PLPP5: variants seen among roughly 807,000 people sequenced by gnomAD.
PLPP5 encodes diacylglycerol pyrophosphate like 1.
PLPP5 carries 29 observed loss-of-function variants against 23.6 expected under a neutral mutation model. The observed-to-expected ratio is 1.23, with a 90% confidence interval of 0.92 to 1.68. The LOEUF (loss-of-function observed/expected upper bound fraction) is 1.68. Among genes scored for constraint, PLPP5 ranks in the 40% most tolerant of loss-of-function variants. The pLI is 0.00. For synonymous variants in PLPP5, 143 were observed against 131.3 expected (o/e 1.09, Z -0.61); for missense variants, 315 against 332.1 (o/e 0.95, Z 0.40).
chr8:38,267,368 C>A lies in PLPP5; in HGVS notation c.362G>T (p.Arg121Leu), dbSNP rs772090931. 34 of 1,613,392 alleles carry A rather than the reference C, an allele frequency of 2.1e-5. No homozygotes were observed. Among genetic ancestry groups the A allele is most frequent in the Non-Finnish European group, 2.8e-5 (33 of 1,179,704 alleles). ...ATGGGCTAGCCCATCAGGGAAGCAG[C>A]GGTAGAAGAAATCTGGGCGTGGCCT... ...VGRPRPDFFYRCFPDGLAHSD... is the reference protein window; with the variant it reads ...VGRPRPDFFYLCFPDGLAHSD... Residue 121 changes from arginine (R) to leucine (L), a missense_variant, in exon 5 of 7, where the codon CGC becomes CTC. Arg to Leu is a moderately radical substitution (Grantham distance 102). Coordinates refer to ENST00000424479, the MANE Select transcript of PLPP5 (RefSeq NM_001102559.2).
intron 2 of PLPP5, 128 bp downstream of exon 2, chr8:38,268,754 G>T (rs958882945): frequency 4.9e-6 from 7 of 1,435,670 alleles, no homozygotes; most frequent in Non-Finnish European, 6.4e-6. Flanking sequence ...CTAGGAGGCG[G>T]AACCCAGCGC....
In PLPP5 at chr8:38,266,330, T is replaced by C. The variant is rs368341198; in HGVS notation, c.464-19A>G. The C allele has an allele frequency of 2.1e-4, 329 of 1,601,894 alleles. 1 individual carries two copies. The highest frequency in any genetic ancestry group is 2.7e-4 in the Non-Finnish European group (316 of 1,174,084). The stretch of plus-strand genomic sequence containing the variant: ...AATGCAACTGGAACAAGAAAAACTT[T>C]TAAGTGGTTTGTCTTTTAAAGGAAG... On this transcript the variant is annotated intron_variant, in intron 5 of 6. Transcript: ENST00000424479.
intron 1 of PLPP5, 31 bp downstream of exon 1, chr8:38,269,095 C>T (rs1343810198): frequency 2.0e-6 from 3 of 1,526,506 alleles, no homozygotes; most frequent in Non-Finnish European, 2.6e-6. Context: ...GGAAGCGGGG[C>T]CGCCCGGGCC....
At chr8:38,264,712 A>G in intron 6 of PLPP5, 108 bp from the exon 7 acceptor site, 2 of 1,435,994 alleles carry the variant, frequency 1.4e-6, no homozygotes, top group Non-Finnish European at 1.8e-6. Context: ...CTGTGGGGCT[A>G]AAATAACCTC....
At chr8:38,268,720 A>G (rs1314078353) in intron 2 of PLPP5, 162 bp downstream of exon 2, 1 of 1,433,124 alleles carries the variant, frequency 7.0e-7, no homozygotes, top group East Asian at 2.5e-5. Context: ...TCCTCTCTCA[A>G]TCAGGATCTT....
Position 38,264,122 on chromosome 8 carries a change from T to C in PLPP5, c.*322A>G. 1 of 1,008,470 alleles carries C rather than the reference T, an allele frequency of 9.9e-7. No individual in the cohort carries two copies. The highest frequency in any genetic ancestry group is 1.7e-5 in the African/African-American group (1 of 58,008). The allele number at this position is 1,008,470 out of a possible 1,614,324, so 62.5% of individuals were successfully genotyped here. Reference sequence around the variant, plus strand: ...TGCATGGTCCGGTTAGGAGGGCTAGTTCACCTGTTCTCTATTGAGATAGAT... The same window carrying C: ...TGCATGGTCCGGTTAGGAGGGCTAGCTCACCTGTTCTCTATTGAGATAGAT... On this transcript the variant is annotated 3_prime_UTR_variant, in exon 7 of 7. Coordinates refer to ENST00000424479, the MANE Select transcript of PLPP5 (RefSeq NM_001102559.2).
At chr8:38,264,778 T>G (rs529459257) in intron 6 of PLPP5, 174 bp from the exon 7 acceptor site, 2 of 1,480,744 alleles carry the variant, frequency 1.4e-6, no homozygotes, top group South Asian at 2.8e-5. Context: ...TTTATCATAG[T>G]TACAGTATTA....
chr8:38,268,014 C>T, intron 3 of PLPP5, 54 bp from the exon 4 acceptor site: 4 of 1,613,126 alleles, frequency 2.5e-6, no homozygotes, highest in Non-Finnish European at 3.4e-6. Context: ...AAGGTATGGT[C>T]ATGGCCTCGT....
At chr8:38,266,739 G>A (rs1204782063) in intron 5 of PLPP5, among the ~76,000 whole-genome samples, 1 of 152,144 alleles carries the variant, frequency 6.6e-6, no homozygotes, top group African/African-American at 2.4e-5. Flanking sequence ...TACTTATAGT[G>A]TAAGTCATTG....
At chr8:38,265,041 G>C (rs1807371394) in intron 6 of PLPP5, 1 of 852,378 alleles carries the variant, frequency 1.2e-6, no homozygotes, top group Admixed American at 1.8e-5. Context: ...GGACCAGGCA[G>C]ATGGATCCCG....
rs746102701 is a variant in PLPP5 at position 38,266,293 on chromosome 8, GC to G, written c.481del (p.Ala161ProfsTer37). The G allele has an allele frequency of 3.9e-5, 63 of 1,612,870 alleles. No individual in the cohort carries two copies. The African/African-American group carries it at 7.3e-4, about 19-fold the overall frequency. ...GHSSFAFAGL[A>X]FASFYLAGKL... The stretch of plus-strand genomic sequence containing the variant: ...CCCTGCCAGGTAGAAGGACGCAAAG[GC>G]CAGACCAGCAAATGCAACTGGAACA... On this transcript the variant is annotated frameshift_variant, in exon 6 of 7. Transcript: ENST00000424479. LOFTEE classifies it high-confidence loss of function.
intron 6 of PLPP5, chr8:38,264,831 TTAAG>T (rs1236301441): frequency 2.1e-5 from 34 of 1,581,760 alleles, no homozygotes; most frequent in Admixed American, 1.3e-4. Flanking sequence ...AAAACACATC[TTAAG>T]TAAGTATAAT....
At position 38,263,156 on chromosome 8, in the gene PLPP5, A is replaced by T. The variant is rs1264671216; in HGVS notation, c.*1288T>A. ...TTTATTTGAATATCAGGTTTACTGA[A>T]GGAAAAAGATACATTGAAAATATAG... On this transcript the variant is annotated 3_prime_UTR_variant, in exon 7 of 7. Transcript: ENST00000424479. 6.5e-6 allele frequency: 1 copy of T among 153,644 alleles called. No homozygotes were observed. Among genetic ancestry groups the T allele is most frequent in the Admixed American group, 6.5e-5 (1 of 15,286 alleles). 9.5% of individuals were successfully genotyped at this position (153,644 alleles called of 1,614,324 possible).
In PLPP5 at chr8:38,263,279, A is replaced by G; in HGVS notation, c.*1165T>C. The G allele has an allele frequency of 1.7e-6, 1 of 579,448 alleles. No homozygotes were observed. The highest frequency in any genetic ancestry group is 2.2e-6 in the Non-Finnish European group (1 of 459,354). The allele number at this position is 579,448 out of a possible 1,614,324, so 35.9% of individuals were successfully genotyped here. A position where few individuals can be genotyped will look rare whatever the true frequency, so the allele number is the denominator to read the frequency against. ...ATGGCATCCATTCTGATGACATCCC[A>G]TAATTGTTCCTTATATTCCATTGTG... On this transcript the variant is annotated 3_prime_UTR_variant, in exon 7 of 7. Transcript: ENST00000424479.
In PLPP5 at chr8:38,263,311, G is replaced by A; in HGVS notation, c.*1133C>T. On this transcript the variant is annotated 3_prime_UTR_variant, in exon 7 of 7. Coordinates refer to ENST00000424479, the MANE Select transcript of PLPP5 (RefSeq NM_001102559.2). ...TTCCTTATATTCCATTGTGAAGAAG[G>A]GGCAGAAAAAGATTCATCTGTCCTT... is the stretch of plus-strand genomic sequence containing the variant. 4.7e-6 allele frequency: 4 copies of A among 846,070 alleles called. No individual in the cohort carries two copies. Among genetic ancestry groups the A allele is most frequent in the Non-Finnish European group, 5.7e-6 (4 of 702,886 alleles). 52.4% of individuals were successfully genotyped at this position (846,070 alleles called of 1,614,324 possible).
chr8:38,267,119 T>C (rs888558408), intron 5 of PLPP5, 148 bp downstream of exon 5: 1 of 1,515,602 alleles, frequency 6.6e-7, no homozygotes, highest in Non-Finnish European at 8.8e-7. Flanking sequence ...AGGCTCAGAC[T>C]TGTTAAACTG....
intron 6 of PLPP5, chr8:38,264,913 T>G: frequency 6.2e-7 from 1 of 1,613,012 alleles, no homozygotes; most frequent in South Asian, 1.1e-5. Context: ...GTCCACTTAT[T>G]GCTATTCATC....
intron 5 of PLPP5, 121 bp from the exon 6 acceptor site, chr8:38,266,432 G>A (rs1254009159): frequency 1.0e-6 from 1 of 999,122 alleles, no homozygotes; most frequent in Non-Finnish European, 1.5e-6. Context: ...AGACAGTCTT[G>A]CTCTGTCGCC....
chr8:38,267,897 C>T lies in PLPP5; in HGVS notation c.338G>A (p.Arg113Lys). The T allele has an allele frequency of 6.2e-7, 1 of 1,613,994 alleles. No individual in the cohort carries two copies. The highest frequency in any genetic ancestry group is 8.5e-7 in the Non-Finnish European group (1 of 1,179,878). Residue 113 changes from arginine (R) to lysine (K), a missense_variant and splice_region_variant, in exon 4 of 7, where the codon AGG (arginine) becomes AAG (lysine). Arg to Lys is a conservative substitution (Grantham distance 26). Transcript: ENST00000424479. ...GGGGTGGTTAGCTGTTGTCACTTAC[C>T]TCCCTACGATCAGTTTTATTGTGTT... ...FTNTIKLIVG[R>K]PRPDFFYRCF...
Sources: gnomAD v4.1 joint callset for allele counts (sites outside exome capture counted in the v4.1 genomes callset) on GRCh38, gnomAD v4.1.1 for gene constraint, MANE v1.5 for transcripts, NCBI Gene and HGNC (gene_info 2026-07-23, HGNC 2026-07-21) for gene names.